Variants in ERC2 observed in about 807,000 individuals in gnomAD.
ERC2 encodes ELKS/RAB6-interacting/CAST family member 2.
ERC2 carries 42 observed loss-of-function variants against 114.8 expected under a neutral mutation model. The ratio of observed to expected loss-of-function variants is 0.37; its 90% CI spans 0.29 to 0.47. The LOEUF is 0.47. ERC2 is among the 20% of genes least tolerant of loss of function. ERC2 has a pLI of 0.99. For synonymous variants in ERC2, 454 were observed against 425.5 expected (o/e 1.07, Z -0.82); for missense variants, 939 against 1,150.7 (o/e 0.82, Z 2.66).
chr3:55,676,254 T>G lies in ERC2; in HGVS notation c.*39+7540A>C, dbSNP rs1241234669. On this transcript the variant is annotated intron_variant, in intron 17 of 17. Transcript: ENST00000288221. ...TCCATCTTTCTGATAACTTGGGTGA[T>G]CCTCTGAGATAAAGCATGTATAATA... Among the ~76,000 whole-genome samples, 8 of 151,896 alleles carry G rather than the reference T, an allele frequency of 5.3e-5. No homozygotes were observed. In the East Asian group the frequency reaches 1.5e-3, roughly 29 times the overall value.
At chr3:55,650,500 T>G (rs2148675891) in intron 17 of ERC2, among the ~76,000 whole-genome samples, 1 of 152,354 alleles carries the variant, frequency 6.6e-6, no homozygotes, top group Non-Finnish European at 1.5e-5. Flanking sequence ...TCTCTTCCCC[T>G]TCATTTCCTT....
At chr3:55,914,374 ACT>A (rs1468852310) in intron 13 of ERC2, among the ~76,000 whole-genome samples, 3 of 152,040 alleles carry the variant, frequency 2.0e-5, no homozygotes, top group Admixed American at 6.6e-5. Context: ...TATTCTTAAC[ACT>A]CTCTATTGGC....
intron 7 of ERC2, among the ~76,000 whole-genome samples, chr3:56,043,260 C>A (rs984813898): frequency 2.0e-5 from 3 of 152,096 alleles, no homozygotes; most frequent in Non-Finnish European, 4.4e-5. Context: ...ATTTTGTACT[C>A]CCCAAATAAA....
chr3:55,994,767 T>A (rs1188921845), intron 10 of ERC2, among the ~76,000 whole-genome samples: 1 of 151,766 alleles, frequency 6.6e-6, no homozygotes, highest in Non-Finnish European at 1.5e-5. Flanking sequence ...AAGATGATTA[T>A]TCAACGCCAC....
intron 2 of ERC2, among the ~76,000 whole-genome samples, chr3:56,344,974 C>A (rs2058249328): frequency 6.6e-6 from 1 of 152,216 alleles, no homozygotes. Flanking sequence ...AGACCACTTA[C>A]AGCACCAAGC....
At chr3:56,432,484 A>G (rs775562989) in intron 2 of ERC2, among the ~76,000 whole-genome samples, 26 of 152,374 alleles carry the variant, frequency 1.7e-4, no homozygotes, top group Non-Finnish European at 3.5e-4. Context: ...AATGATACCG[A>G]AGAGCATCAT....
intron 12 of ERC2, among the ~76,000 whole-genome samples, chr3:55,983,784 T>C (rs1009041511): frequency 6.6e-6 from 1 of 152,180 alleles, no homozygotes; most frequent in African/African-American, 2.4e-5. Context: ...CATACACACA[T>C]ATATATACAT....
At chr3:55,599,940 T>C (rs1559720987) in intron 17 of ERC2, among the ~76,000 whole-genome samples, 1 of 152,106 alleles carries the variant, frequency 6.6e-6, no homozygotes, top group Non-Finnish European at 1.5e-5. Flanking sequence ...CAGTTTCCTA[T>C]CAGTGAAAAA....
At chr3:55,592,720 T>A (rs985366300) in intron 17 of ERC2, among the ~76,000 whole-genome samples, 5 of 152,202 alleles carry the variant, frequency 3.3e-5, no homozygotes, top group African/African-American at 1.2e-4. Context: ...CTCATTTATC[T>A]AAAAGCCAAA....
At position 56,102,012 on chromosome 3, in the gene ERC2, T is replaced by C. The variant is rs187934593; in HGVS notation, c.1474-21028A>G. Among the ~76,000 whole-genome samples the C allele has an allele frequency of 2.0e-5, 3 of 152,342 alleles. No homozygotes were observed. In the East Asian group the frequency reaches 5.8e-4, roughly 29 times the overall value. ...GAATTAGACTTTAAATCCAGCAAGA[T>C]GTGGTACTTTCAATAACAATTGTTA... On this transcript the variant is annotated intron_variant, in intron 6 of 17. Coordinates refer to ENST00000288221, the MANE Select transcript of ERC2 (RefSeq NM_015576.3).
At chr3:55,827,404 AAG>A (rs1187331266) in intron 14 of ERC2, among the ~76,000 whole-genome samples, 2 of 151,826 alleles carry the variant, frequency 1.3e-5, no homozygotes, top group Non-Finnish European at 1.5e-5. Context: ...AAGAGAGAAA[AAG>A]AGAGAAAGAG....
chr3:56,072,693 T>C (rs372840522), intron 7 of ERC2, among the ~76,000 whole-genome samples: 6 of 152,190 alleles, frequency 3.9e-5, no homozygotes, highest in African/African-American at 1.4e-4. Context: ...ACCCAAAAGG[T>C]TGATAAAATA....
chr3:56,041,616 C>T (rs190996368), intron 7 of ERC2, among the ~76,000 whole-genome samples: 3 of 152,218 alleles, frequency 2.0e-5, no homozygotes, highest in Admixed American at 2.0e-4. Flanking sequence ...TCACTTTCTC[C>T]TTCTTCCTTT....
chr3:56,271,942 T>C (rs1270286055), intron 3 of ERC2, among the ~76,000 whole-genome samples: 2 of 152,250 alleles, frequency 1.3e-5, no homozygotes, highest in African/African-American at 4.8e-5. Flanking sequence ...TTTTTATGGC[T>C]GTGTAGTATT....
At chr3:55,640,612 G>A (rs943443417) in intron 17 of ERC2, among the ~76,000 whole-genome samples, 9 of 152,282 alleles carry the variant, frequency 5.9e-5, no homozygotes, top group Non-Finnish European at 1.2e-4. Flanking sequence ...GTGGGAACAC[G>A]GAGGCTGTGG....
intron 14 of ERC2, among the ~76,000 whole-genome samples, chr3:55,820,310 G>A (rs917442179): frequency 1.3e-5 from 2 of 152,144 alleles, no homozygotes; most frequent in African/African-American, 4.8e-5. Flanking sequence ...ATTGAGTAAT[G>A]CAAGAAAAAC....
intron 6 of ERC2, among the ~76,000 whole-genome samples, chr3:56,116,304 C>A (rs1357292502): frequency 6.6e-6 from 1 of 152,090 alleles, no homozygotes; most frequent in African/African-American, 2.4e-5. Flanking sequence ...TATTTATGAC[C>A]AAGGGTTTGT....
chr3:55,581,746 C>T (rs1029648345), intron 17 of ERC2, among the ~76,000 whole-genome samples: 1 of 152,168 alleles, frequency 6.6e-6, no homozygotes, highest in South Asian at 2.1e-4. Flanking sequence ...ATTTCCATGA[C>T]CTCTTCCAAA....
At chr3:55,549,477 CTTT>C (rs11404043) in intron 17 of ERC2, among the ~76,000 whole-genome samples, 2 of 123,226 alleles carry the variant, frequency 1.6e-5, no homozygotes, top group African/African-American at 3.0e-5. Flanking sequence ...GCCGCCTTAC[CTTT>C]TTTTTTTTTT....
Sources: gnomAD v4.1 joint callset for allele counts (sites outside exome capture counted in the v4.1 genomes callset) on GRCh38, gnomAD v4.1.1 for gene constraint, MANE v1.5 for transcripts, NCBI Gene and HGNC (gene_info 2026-07-23, HGNC 2026-07-21) for gene names.